CIAO3: variants seen among roughly 807,000 people sequenced by gnomAD.
CIAO3 encodes the protein LET1 like/JFP15.
In CIAO3, 45 loss-of-function variants were observed where a neutral mutation model predicts 51.5. The ratio of observed to expected loss-of-function variants is 0.87; its 90% CI spans 0.69 to 1.12. The LOEUF (loss-of-function observed/expected upper bound fraction) is 1.12. Ranked by LOEUF, CIAO3 falls within the 50% of genes most tolerant of loss-of-function variation. The pLI, the probability that CIAO3 is intolerant of heterozygous loss-of-function variation, is 0.00. For missense variants in CIAO3, 668 were observed against 632.5 expected, an observed-to-expected ratio of 1.06 and a Z score of -0.60; for synonymous variants, 314 against 269.3, an observed-to-expected ratio of 1.17 and a Z score of -1.63.
Position 731,690 on chromosome 16 carries a change from G to T in CIAO3, c.909C>A (p.Ala303=). The T allele has an allele frequency of 6.4e-7, 1 of 1,556,318 alleles. No individual in the cohort carries two copies. Among genetic ancestry groups the T allele is most frequent in the Non-Finnish European group, 8.7e-7 (1 of 1,152,774 alleles). ...GATGGCTGGTGGGCTCCTCTGCAGA[G>T]GCACCGCTGCACCTGGCAAGGAGGG... ...PAPLDSLCSG[A]SAEEPTSHRG... Residue 303 remains alanine (A), a synonymous_variant, in exon 9 of 11, where the codon GCC becomes GCA. Transcript: ENST00000251588.
intron 2 of CIAO3, chr16:738,090 C>G (rs2041356961): frequency 1.4e-5 from 14 of 1,035,654 alleles, no homozygotes; most frequent in Non-Finnish European, 1.6e-5. Flanking sequence ...GCCTTGTATT[C>G]CTACGTTGGT....
At chr16:738,661 T>C (rs2041363201) in intron 2 of CIAO3, among the ~76,000 whole-genome samples, 1 of 146,752 alleles carries the variant, frequency 6.8e-6, no homozygotes, top group African/African-American at 2.6e-5. Context: ...CCAGTTTCTT[T>C]ATTTTTTTGA....
rs1330170768 is a variant in CIAO3 at position 729,864 on chromosome 16, A to C, written c.*553T>G. 2.4e-5 allele frequency: 12 copies of C among 501,890 alleles called. No homozygotes were observed. Among genetic ancestry groups the C allele is most frequent in the Non-Finnish European group, 3.2e-5 (10 of 312,768 alleles). The allele number at this position is 501,890 out of a possible 1,614,324, so 31.1% of individuals were successfully genotyped here. On this transcript the variant is annotated 3_prime_UTR_variant, in exon 11 of 11. Transcript: ENST00000251588. ...CAGCCCGCGATGGCTGCTGCTTCGT[A>C]CTTGGCTTGCCCCGGACCACAGCCT...
intron 2 of CIAO3, chr16:738,068 C>CAATCTG (rs2041356757): frequency 9.5e-7 from 1 of 1,050,786 alleles, no homozygotes; most frequent in African/African-American, 1.7e-5. Flanking sequence ...CTGTGTATCA[C>CAATCTG]AATCTGAGCT....
At position 737,350 on chromosome 16, in the gene CIAO3, G is replaced by T; in HGVS notation, c.163-21C>A. ...CCGTCCTACAAGGGAGAAGAACCCG[G>T]TGCACAGGGGCCCCCTCTGCACGAG... On this transcript the variant is annotated intron_variant, in intron 2 of 10. Coordinates refer to ENST00000251588, the MANE Select transcript of CIAO3 (RefSeq NM_022493.3). This position sits in a 1 kb window ranked among gnomAD's most constrained non-coding sequence, Gnocchi z 5.3. 1.2e-6 allele frequency: 2 copies of T among 1,612,148 alleles called. No individual in the cohort carries two copies. Among genetic ancestry groups the T allele is most frequent in the Non-Finnish European group, 1.7e-6 (2 of 1,179,666 alleles).
Position 737,902 on chromosome 16 carries a change from C to T in CIAO3, c.163-573G>A, listed in dbSNP as rs1446105653. ...TCAGCAACTTTTCTTACATGCAAAA[C>T]GCACCCAGCTCGAGCTCCCCCAACT... On this transcript the variant is annotated intron_variant, in intron 2 of 10. Transcript: ENST00000251588. The surrounding 1 kb of genome is among the most constrained non-coding windows in gnomAD (Gnocchi z 5.3). 13 of 1,181,016 alleles carry T rather than the reference C, an allele frequency of 1.1e-5. No individual in the cohort carries two copies. Among genetic ancestry groups the T allele is most frequent in the Middle Eastern group, 3.9e-4 (1 of 2,572 alleles). 73.2% of individuals were successfully genotyped at this position (1,181,016 alleles called of 1,614,324 possible). A position where few individuals can be genotyped will look rare whatever the true frequency, so the allele number is the denominator to read the frequency against.
At position 739,589 on chromosome 16, in the gene CIAO3, G is replaced by A. The variant is rs1386925858; in HGVS notation, c.162+54C>T. The A allele has an allele frequency of 6.5e-6, 10 of 1,542,630 alleles. No individual in the cohort carries two copies. In the African/African-American group the frequency reaches 9.5e-5, roughly 15 times the overall value. ...CTGTGACGGGAGGAAGCAGAGAAAA[G>A]TGTTTCGGATCAGCCGGGCAGGAGA... On this transcript the variant is annotated intron_variant, in intron 2 of 10. Coordinates refer to ENST00000251588, the MANE Select transcript of CIAO3 (RefSeq NM_022493.3).
rs749570634 is a variant in CIAO3 at position 730,626 on chromosome 16, C to A, written c.1222G>T (p.Ala408Ser). Residue 408 changes from alanine to serine, a missense_variant, in exon 11 of 11, where the codon GCC becomes TCC. By Grantham distance (99) the Ala-to-Ser change is moderately conservative (BLOSUM62 1). Transcript: ENST00000251588. ...GCLNGGGQLQ[A>S]PDRPSRELLQ... ...AGCTCTCTGCTGGGCCTGTCTGGGG[C>A]CTGGAGCTGGCCCCCGCCGTTCAGG... 3 of 1,609,924 alleles carry A rather than the reference C, an allele frequency of 1.9e-6. No homozygotes were observed. Among genetic ancestry groups the A allele is most frequent in the South Asian group, 2.2e-5 (2 of 91,078 alleles).
rs770570744 is a variant in CIAO3, at chr16:730,569, C to G, written c.1279G>C (p.Val427Leu). The change falls in exon 11 of 11, where the codon GTC becomes CTC. Residue 427 changes from valine (V) to leucine (L), a missense_variant. By Grantham distance (32) the Val-to-Leu change is conservative. Transcript: ENST00000251588. ...LQHVERLYGM[V>L]RAEAPEDAPG... ...GCGTCCTCGGGCGCCTCAGCCCGGA[C>G]CATGCCGTACAGTCTCTCCACGTGC... The G allele has an allele frequency of 6.2e-7, 1 of 1,610,940 alleles. No individual in the cohort carries two copies. Among genetic ancestry groups the G allele is most frequent in the African/African-American group, 1.3e-5 (1 of 74,956 alleles).
Position 734,333 on chromosome 16 carries a change from C to A in CIAO3, c.589G>T (p.Ala197Ser). 6.2e-7 allele frequency: 1 copy of A among 1,610,438 alleles called. No homozygotes were observed. Reference protein sequence around the residue: ...ASACPGWICYAEKTHGSFILP... With the variant: ...ASACPGWICYSEKTHGSFILP... ...ATGAAGCTGCCGTGAGTCTTCTCGG[C>A]ATAGCAGATCCAGCCTGAGGTGACA... The change falls in exon 6 of 11, where the codon GCC (alanine) becomes TCC (serine). Residue 197 changes from alanine to serine, a missense_variant. Transcript: ENST00000251588.
rs1320423080 is a variant in CIAO3 at position 733,371 on chromosome 16, C to T, written c.750G>A (p.Lys250=). The change falls in exon 7 of 11, where the codon AAG becomes AAA. Residue 250 remains lysine, a synonymous_variant. Coordinates refer to ENST00000251588, the MANE Select transcript of CIAO3 (RefSeq NM_022493.3). ...AAAAGTCGGGTCTGGAGGCTTCCAG[C>T]TTTTTGTCATAGCAGGGCATCACTG... ...HVTVMPCYDK[K]LEASRPDFFN... The T allele has an allele frequency of 1.2e-6, 2 of 1,613,908 alleles. No individual in the cohort carries two copies. Among genetic ancestry groups the T allele is most frequent in the Non-Finnish European group, 1.7e-6 (2 of 1,180,004 alleles).
Position 737,291 on chromosome 16 carries a change from C to T in CIAO3, c.201G>A (p.Ser67=), listed in dbSNP as rs369557288. 2.7e-5 allele frequency: 44 copies of T among 1,613,268 alleles called. 1 individual carries two copies. The Admixed American group carries it at 6.3e-4, about 23-fold the overall frequency. The part of the protein sequence containing the change: ...GTRRLEKAKV[S]LNDCLACSGC... ...CGCTGCACGCCAGGCAGTCGTTTAG[C>T]GAGACCTTGGCCTTCTCCAGCCTCC... Residue 67 remains serine (S), a synonymous_variant, in exon 3 of 11, where the codon TCG becomes TCA. Coordinates refer to ENST00000251588, the MANE Select transcript of CIAO3 (RefSeq NM_022493.3). The surrounding 1 kb of genome is among the most constrained non-coding windows in gnomAD (Gnocchi z 5.3).
intron 7 of CIAO3, 127 bp from the exon 8 acceptor site, chr16:732,500 T>A (rs970352020): frequency 9.3e-7 from 1 of 1,070,630 alleles, no homozygotes; most frequent in Admixed American, 1.9e-5. Flanking sequence ...ATGTCCACCC[T>A]AGCCCGTGGT....
At chr16:740,196 C>G (rs2041377651) in intron 1 of CIAO3, 3 of 986,768 alleles carry the variant, frequency 3.0e-6, no homozygotes, top group South Asian at 2.8e-5. Context: ...AAAGCCGCCT[C>G]CCAGCTCATC....
rs1301460446 is a variant in CIAO3 at position 733,303 on chromosome 16, G to T, written c.818C>A (p.Thr273Lys). 2 of 1,613,482 alleles carry T rather than the reference G, an allele frequency of 1.2e-6. No individual in the cohort carries two copies. The highest frequency in any genetic ancestry group is 1.1e-5 in the South Asian group (1 of 91,082). Residue 273 changes from threonine to lysine, a missense_variant, in exon 7 of 11, where the codon ACA (threonine) becomes AAA (lysine). Thr to Lys is a moderately conservative substitution (Grantham distance 78, BLOSUM62 -1). Transcript: ENST00000251588. ...GCCGCACGGCGTGACCGCACCTGTT[G>T]TGAGGACACAGTCCACATCCCGTGT... ...HQTRDVDCVL[T>K]TGEVFRLLEE...
Position 737,004 on chromosome 16 carries a change from G to T in CIAO3, c.306+182C>A, listed in dbSNP as rs954073166. 8.3e-6 allele frequency: 6 copies of T among 720,446 alleles called. No homozygotes were observed. The highest frequency in any genetic ancestry group is 1.4e-5 in the Non-Finnish European group (6 of 439,122). The allele number at this position is 720,446 out of a possible 1,614,324, so 44.6% of individuals were successfully genotyped here. A position where few individuals can be genotyped will look rare whatever the true frequency, so the allele number is the denominator to read the frequency against. On this transcript the variant is annotated intron_variant, in intron 3 of 10. Coordinates refer to ENST00000251588, the MANE Select transcript of CIAO3 (RefSeq NM_022493.3). This position sits in a 1 kb window ranked among gnomAD's most constrained non-coding sequence, Gnocchi z 5.3. Reference sequence around the variant, plus strand: ...TGTATATTTAGAACCTGAAGTTTGGGGCCTGACACGTTCACCACTGGAGCC... The same window carrying T: ...TGTATATTTAGAACCTGAAGTTTGGTGCCTGACACGTTCACCACTGGAGCC...
chr16:740,109 T>G, intron 1 of CIAO3: 1 of 1,316,506 alleles, frequency 7.6e-7, no homozygotes, highest in Non-Finnish European at 9.9e-7. Flanking sequence ...TGGATCTGTT[T>G]GGAGACCACC....
Position 734,728 on chromosome 16 carries a change from T to C in CIAO3, c.574+9A>G, listed in dbSNP as rs766245297. Reference sequence around the variant, plus strand: ...CTTGACTCTCCCACCACCCGCACCATGAGCACACCTGGGCAGGCAGAGGCC... The same window carrying C: ...CTTGACTCTCCCACCACCCGCACCACGAGCACACCTGGGCAGGCAGAGGCC... On this transcript the variant is annotated intron_variant, in intron 5 of 10. Transcript: ENST00000251588. The C allele has an allele frequency of 1.2e-6, 2 of 1,612,786 alleles. No homozygotes were observed. Among genetic ancestry groups the C allele is most frequent in the South Asian group, 1.1e-5 (1 of 91,088 alleles).
intron 7 of CIAO3, 78 bp downstream of exon 7, chr16:733,220 G>A (rs1010115621): frequency 1.9e-6 from 3 of 1,564,450 alleles, no homozygotes; most frequent in Non-Finnish European, 1.7e-6. Context: ...AGGATCCTGG[G>A]CAGTCGCCAC....
Sources: allele counts gnomAD v4.1 joint callset (sites outside exome capture counted in the v4.1 genomes callset), GRCh38; gene constraint gnomAD v4.1.1; non-coding constraint Gnocchi (gnomAD v3.1); transcripts MANE v1.5; gene names NCBI Gene and HGNC (gene_info 2026-07-23, HGNC 2026-07-21).